The following NME7 variants were observed in gnomAD, a reference collection of about 807,000 sequenced individuals.
NME7 encodes nucleoside diphosphate kinase 7.
Under a neutral mutation model 49.1 loss-of-function variants are expected in NME7, and 41 were observed. The ratio of observed to expected loss-of-function variants is 0.83; its 90% CI spans 0.65 to 1.08. The LOEUF is 1.08. Ranked by LOEUF, NME7 falls within the 50% of genes least tolerant of loss-of-function variation. The pLI is 0.00. For synonymous variants in NME7, 139 were observed against 150.6 expected (o/e 0.92, Z 0.56); for missense variants, 423 against 463.4 (o/e 0.91, Z 0.80).
chr1:169,299,663 C>CCA (rs1650863203), intron 5 of NME7, among the ~76,000 whole-genome samples: 1 of 152,082 alleles, frequency 6.6e-6, no homozygotes, highest in Non-Finnish European at 1.5e-5. Context: ...ACACTTCCTT[C>CCA]CACCCTGCAT....
chr1:169,360,396 G>C (rs1008233185), intron 1 of NME7, among the ~76,000 whole-genome samples: 1 of 152,074 alleles, frequency 6.6e-6, no homozygotes, highest in African/African-American at 2.4e-5. Flanking sequence ...TATGGCAAAA[G>C]TTTAAGGCAA....
intron 7 of NME7, among the ~76,000 whole-genome samples, chr1:169,258,375 CATAT>C (rs71121749): frequency 0.023 from 1,998 of 86,746 alleles, 290 homozygotes; most frequent in South Asian, 0.033. Flanking sequence ...TAAAATAAAA[CATAT>C]ATATATATAT....
At chr1:169,297,941 G>T (rs560451432) in intron 6 of NME7, among the ~76,000 whole-genome samples, 12 of 152,226 alleles carry the variant, frequency 7.9e-5, no homozygotes, top group African/African-American at 2.2e-4. Flanking sequence ...GAAAAAGAAA[G>T]AAATCAATTA....
chr1:169,339,280 C>G (rs1334143287), intron 1 of NME7, among the ~76,000 whole-genome samples: 1 of 152,130 alleles, frequency 6.6e-6, no homozygotes, highest in East Asian at 1.9e-4. Context: ...GCTTCTCTGA[C>G]TACCATCTTA....
intron 10 of NME7, among the ~76,000 whole-genome samples, chr1:169,219,462 T>G (rs1661074420): frequency 6.6e-6 from 1 of 152,154 alleles, no homozygotes; most frequent in Non-Finnish European, 1.5e-5. Context: ...ATGCGCAGAT[T>G]TTGGTGTCTG....
chr1:169,269,584 C>T, intron 7 of NME7, among the ~76,000 whole-genome samples: 1 of 133,444 alleles, frequency 7.5e-6, no homozygotes, highest in East Asian at 2.0e-4. Context: ...CATGCATCTA[C>T]CAGGGCTCTT....
At chr1:169,205,223 C>T (rs1308389170) in intron 10 of NME7, among the ~76,000 whole-genome samples, 1 of 152,134 alleles carries the variant, frequency 6.6e-6, no homozygotes, top group East Asian at 1.9e-4. Flanking sequence ...TAATCAGAGT[C>T]AGTGTCAATT....
intron 9 of NME7, among the ~76,000 whole-genome samples, chr1:169,231,406 G>C (rs1233607612): frequency 6.6e-6 from 1 of 152,166 alleles, no homozygotes; most frequent in Non-Finnish European, 1.5e-5. Context: ...CAGTAGACCA[G>C]GTAGAGGAAA....
chr1:169,309,839 G>A, intron 4 of NME7, 131 bp downstream of exon 4: 1 of 578,014 alleles, frequency 1.7e-6, no homozygotes, highest in Non-Finnish European at 3.0e-6. Flanking sequence ...TCCCATTTTG[G>A]TTAAGTTACT....
chr1:169,323,981 G>T (rs553656107), intron 2 of NME7, among the ~76,000 whole-genome samples: 1 of 151,516 alleles, frequency 6.6e-6, no homozygotes, highest in African/African-American at 2.4e-5. Flanking sequence ...AGCCTCCCGA[G>T]TAGCTGGGAT....
intron 10 of NME7, among the ~76,000 whole-genome samples, chr1:169,211,932 C>A (rs927035893): frequency 6.6e-6 from 1 of 151,928 alleles, no homozygotes; most frequent in Admixed American, 6.6e-5. Flanking sequence ...TTGTTTTATA[C>A]AGTAGTTTAA....
intron 10 of NME7, among the ~76,000 whole-genome samples, chr1:169,180,693 C>G (rs563996961): frequency 3.4e-4 from 51 of 152,094 alleles, no homozygotes; most frequent in African/African-American, 1.1e-3. Context: ...TGTCTAGTGG[C>G]CACATTAATA....
At chr1:169,286,993 G>T in intron 7 of NME7, 6 of 216,752 alleles carry the variant, frequency 2.8e-5, no homozygotes, top group Admixed American at 6.1e-5. Context: ...TAAATTAAGT[G>T]AATCACAATT....
chr1:169,180,486 T>C (rs1659893134), intron 10 of NME7, among the ~76,000 whole-genome samples: 1 of 152,162 alleles, frequency 6.6e-6, no homozygotes, highest in African/African-American at 2.4e-5. Context: ...ATCCAACCAC[T>C]TGGGGCAAAC....
intron 10 of NME7, among the ~76,000 whole-genome samples, chr1:169,193,803 C>T (rs1660298617): frequency 6.6e-6 from 1 of 151,512 alleles, no homozygotes; most frequent in Middle Eastern, 3.2e-3. Flanking sequence ...ATATTCAGAA[C>T]AACGAACATA....
intron 7 of NME7, among the ~76,000 whole-genome samples, chr1:169,237,909 A>C (rs1427164062): frequency 6.6e-6 from 1 of 152,100 alleles, no homozygotes; most frequent in Non-Finnish European, 1.5e-5. Context: ...AATGGTTCTG[A>C]GGTTTATGCA....
chr1:169,230,669 T>C (rs748982150), intron 10 of NME7, 49 bp downstream of exon 10: 2 of 1,260,932 alleles, frequency 1.6e-6, no homozygotes, highest in African/African-American at 3.0e-5. Flanking sequence ...CCTGTTAAAA[T>C]AGTGAATAGA....
At chr1:169,296,581 A>G (rs1650717246) in intron 6 of NME7, among the ~76,000 whole-genome samples, 1 of 152,102 alleles carries the variant, frequency 6.6e-6, no homozygotes, top group South Asian at 2.1e-4. Context: ...TTATGTGCTG[A>G]TAACTCTAAG....
At chr1:169,304,532 C>T (rs1036048732) in intron 4 of NME7, among the ~76,000 whole-genome samples, 2 of 151,616 alleles carry the variant, frequency 1.3e-5, no homozygotes, top group African/African-American at 2.4e-5. Context: ...ATATGTAATG[C>T]CAATATAGAG....
Sources: gnomAD v4.1 joint callset for allele counts (sites outside exome capture counted in the v4.1 genomes callset) on GRCh38, gnomAD v4.1.1 for gene constraint, MANE v1.5 for transcripts, NCBI Gene and HGNC (gene_info 2026-07-23, HGNC 2026-07-21) for gene names.